The following CACNA1G variants were observed in gnomAD, a reference collection of about 807,000 sequenced individuals.
CACNA1G encodes voltage-dependent T-type calcium channel subunit alpha-1G.
In CACNA1G, 67 loss-of-function variants were observed where a neutral mutation model predicts 219.4. The ratio of observed to expected loss-of-function variants is 0.31; its 90% CI spans 0.25 to 0.37. The LOEUF (loss-of-function observed/expected upper bound fraction) is 0.37. Among genes scored for constraint, CACNA1G ranks in the 10% least tolerant of loss-of-function variants. The pLI, the probability that CACNA1G is intolerant of heterozygous loss-of-function variation, is 1.00. For synonymous variants in CACNA1G, 1,296 were observed against 1,345.3 expected (o/e 0.96, Z 0.80); for missense variants, 2,380 against 3,231.4 (o/e 0.74, Z 6.39).
intron 25 of CACNA1G, among the ~76,000 whole-genome samples, chr17:50,608,223 A>G (rs1386516847): frequency 6.6e-6 from 1 of 151,988 alleles, no homozygotes; most frequent in East Asian, 1.9e-4. Context: ...CCCCATGGGT[A>G]GGGGGAGCTG....
At chr17:50,568,725 G>T in intron 1 of CACNA1G, 145 bp from the exon 2 acceptor site, 2 of 689,862 alleles carry the variant, frequency 2.9e-6, no homozygotes, top group Non-Finnish European at 5.2e-6. Context: ...CTGGGGGCTG[G>T]TCTGCGTGTA....
intron 9 of CACNA1G, among the ~76,000 whole-genome samples, chr17:50,584,011 G>C (rs1450477526): frequency 2.6e-5 from 4 of 152,196 alleles, no homozygotes; most frequent in African/African-American, 9.7e-5. Context: ...TGTCCAGAGG[G>C]AGGAAGGGTG....
Position 50,619,038 on chromosome 17 carries a change from G to A in CACNA1G, c.5781+30G>A, listed in dbSNP as rs1293784245. ...GCAGACACCCACCCCAGCCGTGAGA[G>A]GAGCTGGGGCAGGAGAAGGGTGTGG... On this transcript the variant is annotated intron_variant, in intron 33 of 37. Coordinates refer to ENST00000359106, the MANE Select transcript of CACNA1G (RefSeq NM_018896.5). The A allele has an allele frequency of 2.0e-6, 3 of 1,469,528 alleles. No homozygotes were observed. The African/African-American group carries it at 4.2e-5, about 21-fold the overall frequency. 91.0% of individuals were successfully genotyped at this position (1,469,528 alleles called of 1,614,324 possible).
intron 27 of CACNA1G, among the ~76,000 whole-genome samples, chr17:50,615,749 C>G (rs2050404144): frequency 6.6e-6 from 1 of 152,242 alleles, no homozygotes; most frequent in Non-Finnish European, 1.5e-5. Context: ...AGTGGAGGAC[C>G]TGGTTTCTTC....
At chr17:50,623,771 C>T in intron 35 of CACNA1G, 136 bp from the exon 36 acceptor site, 1 of 847,758 alleles carries the variant, frequency 1.2e-6, no homozygotes, top group Non-Finnish European at 1.9e-6. Flanking sequence ...TCATGCCCAT[C>T]TCTACCTTGT....
rs1026791186 is a variant in CACNA1G, at chr17:50,560,860, G to T, written c.-600G>T. ...CATCTCCGCCTCCACTCCCGCCCGG[G>T]ACTGCCCCCCACTGTCTCCCCGCCC... is the stretch of plus-strand genomic sequence containing the variant. On this transcript the variant is annotated 5_prime_UTR_variant, in exon 1 of 38. Coordinates refer to ENST00000359106, the MANE Select transcript of CACNA1G (RefSeq NM_018896.5). Among the ~76,000 whole-genome samples, 8 of 152,064 alleles carry T rather than the reference G, an allele frequency of 5.3e-5. No individual in the cohort carries two copies. Among genetic ancestry groups the T allele is most frequent in the Non-Finnish European group, 1.2e-4 (8 of 67,944 alleles).
chr17:50,612,094 A>G (rs1368279698), intron 26 of CACNA1G, among the ~76,000 whole-genome samples: 1 of 152,242 alleles, frequency 6.6e-6, no homozygotes, highest in Non-Finnish European at 1.5e-5. Context: ...TTCCATGTGC[A>G]TAAGAATCAC....
rs2038795015 is a variant in CACNA1G, at chr17:50,569,246, T to C, written c.436T>C (p.Cys146Arg). The C allele has an allele frequency of 6.2e-7, 1 of 1,613,768 alleles. No individual in the cohort carries two copies. Among genetic ancestry groups the C allele is most frequent in the Admixed American group, 1.7e-5 (1 of 60,008 alleles). The change falls in exon 3 of 38, where the codon TGT (cysteine) becomes CGT (arginine). Residue 146 changes from cysteine to arginine, a missense_variant. Transcript: ENST00000359106. ...MVALGIFGKK[C>R]YLGDTWNRLD... ...GGCCTTGGGCATCTTTGGGAAAAAGTGTTACCTGGGAGACACTTGGAACCG... is the reference window on the plus strand; with the variant it reads ...GGCCTTGGGCATCTTTGGGAAAAAGCGTTACCTGGGAGACACTTGGAACCG...
rs1414087466 is a variant in CACNA1G at position 50,600,679 on chromosome 17, G to A, written c.3691-47G>A. On this transcript the variant is annotated intron_variant, in intron 17 of 37. Coordinates refer to ENST00000359106, the MANE Select transcript of CACNA1G (RefSeq NM_018896.5). This position sits in a 1 kb window ranked among gnomAD's most constrained non-coding sequence, Gnocchi z 4.1. The stretch of plus-strand genomic sequence containing the variant: ...CTCTGCTGAGGAGCCAGGAGCCGGG[G>A]AACCTGGAGGCCTGGTCCTGCTCAT... The A allele has an allele frequency of 1.3e-6, 2 of 1,529,486 alleles. No homozygotes were observed. Among genetic ancestry groups the A allele is most frequent in the South Asian group, 2.2e-5 (2 of 89,288 alleles). 94.7% of individuals were successfully genotyped at this position (1,529,486 alleles called of 1,614,324 possible). A position where few individuals can be genotyped will look rare whatever the true frequency, so the allele number is the denominator to read the frequency against.
At chr17:50,625,309 A>C (rs2053469373) in intron 37 of CACNA1G, among the ~76,000 whole-genome samples, 1 of 152,226 alleles carries the variant, frequency 6.6e-6, no homozygotes, top group African/African-American at 2.4e-5. Flanking sequence ...CTGAGGCATG[A>C]GCGTGGACAC....
intron 10 of CACNA1G, 123 bp downstream of exon 10, chr17:50,590,745 C>CA: frequency 1.2e-6 from 1 of 827,140 alleles, no homozygotes; most frequent in Non-Finnish European, 1.9e-6. Flanking sequence ...CCACTGACCC[C>CA]ACAGGACCTG....
At chr17:50,590,342 G>A (rs1446580122) in intron 9 of CACNA1G, 129 bp from the exon 10 acceptor site, 3 of 1,038,812 alleles carry the variant, frequency 2.9e-6, no homozygotes, top group Non-Finnish European at 4.3e-6. Context: ...ATGGGCCTGA[G>A]CATCCAGCAA....
chr17:50,602,050 G>C (rs1448083761), intron 19 of CACNA1G, among the ~76,000 whole-genome samples: 1 of 152,226 alleles, frequency 6.6e-6, no homozygotes, highest in Admixed American at 6.5e-5. Flanking sequence ...CGGAGTCACA[G>C]GGTAAGGCAG....
At chr17:50,562,859 C>T (rs1229589883) in intron 1 of CACNA1G, among the ~76,000 whole-genome samples, 3 of 152,154 alleles carry the variant, frequency 2.0e-5, no homozygotes, top group African/African-American at 7.2e-5. Flanking sequence ...GAGACCCCAG[C>T]CCAGTCAGAC....
At position 50,618,147 on chromosome 17, in the gene CACNA1G, G is replaced by A; in HGVS notation, c.5305+21G>A. 1 of 1,613,524 alleles carries A rather than the reference G, an allele frequency of 6.2e-7. No individual in the cohort carries two copies. Among genetic ancestry groups the A allele is most frequent in the South Asian group, 1.1e-5 (1 of 91,058 alleles). ...CCTGGGTGAGTTGGGGTAGGGGAGG[G>A]TGGAGGAGCCAGGGCTGGAGACCAG... On this transcript the variant is annotated intron_variant, in intron 31 of 37. Transcript: ENST00000359106. This position sits in a 1 kb window ranked among gnomAD's most constrained non-coding sequence, Gnocchi z 5.3.
chr17:50,584,703 T>C (rs1043559890), intron 9 of CACNA1G, among the ~76,000 whole-genome samples: 2 of 150,676 alleles, frequency 1.3e-5, no homozygotes, highest in Non-Finnish European at 3.0e-5. Flanking sequence ...AGAGAGACAG[T>C]GGGATGCACA....
In CACNA1G at chr17:50,596,742, G is replaced by A. The variant is rs1663969683; in HGVS notation, c.3077G>A (p.Gly1026Glu). The A allele has an allele frequency of 6.2e-7, 1 of 1,613,448 alleles. No homozygotes were observed. The highest frequency in any genetic ancestry group is 8.5e-7 in the Non-Finnish European group (1 of 1,179,838). Residue 1026 changes from glycine to glutamate, a missense_variant, in exon 16 of 38, where the codon GGA becomes GAA. Coordinates refer to ENST00000359106, the MANE Select transcript of CACNA1G (RefSeq NM_018896.5). The surrounding 1 kb of genome is among the most constrained non-coding windows in gnomAD (Gnocchi z 4.8). ...RKKCLALVSL[G>E]EHPELRKSLL... is the part of the protein sequence containing the mutation. ...TCTCCCCGTGCAGTGGTGTCCCTGG[G>A]AGAGCACCCGGAGCTGCGGAAGAGC...
At chr17:50,579,732 C>T (rs562809195) in intron 9 of CACNA1G, among the ~76,000 whole-genome samples, 3 of 152,286 alleles carry the variant, frequency 2.0e-5, no homozygotes, top group African/African-American at 7.2e-5. Flanking sequence ...CCCACCTCCG[C>T]ACCCTCCCAA....
chr17:50,606,145 A>G, intron 23 of CACNA1G, 122 bp downstream of exon 23: 2 of 1,345,266 alleles, frequency 1.5e-6, no homozygotes, highest in Non-Finnish European at 2.1e-6. Context: ...AGCCCTTCAC[A>G]CCCTCTGCTG....
Sources: gnomAD v4.1 joint callset for allele counts (sites outside exome capture counted in the v4.1 genomes callset) on GRCh38, gnomAD v4.1.1 for gene constraint, Gnocchi (gnomAD v3.1) non-coding constraint, MANE v1.5 for transcripts, NCBI Gene and HGNC (gene_info 2026-07-23, HGNC 2026-07-21) for gene names.